RBFOX3: variants seen among roughly 807,000 people sequenced by gnomAD.
The protein encoded by RBFOX3 is RNA binding protein fox-1 homolog 3.
A neutral mutation model predicts 48.7 loss-of-function variants in RBFOX3; 17 were observed. The ratio of observed to expected loss-of-function variants is 0.35; its 90% CI spans 0.24 to 0.52. RBFOX3 has a LOEUF of 0.52. RBFOX3 is among the 20% of genes least tolerant of loss of function. RBFOX3 has a pLI of 0.94. For synonymous variants in RBFOX3, 212 were observed against 209.5 expected, an observed-to-expected ratio of 1.01 and a Z score of -0.10; for missense variants, 382 against 497.5, an observed-to-expected ratio of 0.77 and a Z score of 2.21.
chr17:79,654,219 C>A, the RBFOX3 span, among the ~76,000 whole-genome samples: 1 of 152,082 alleles, frequency 6.6e-6, no homozygotes, highest in Admixed American at 6.6e-5. Context: ...CTGTGTTTAC[C>A]CCAAGATGGG....
the RBFOX3 span, among the ~76,000 whole-genome samples, chr17:79,664,347 G>A: frequency 7.4e-6 from 1 of 134,918 alleles, no homozygotes; most frequent in Non-Finnish European, 1.6e-5. Flanking sequence ...GCTAATTTTT[G>A]TATTTTTTTT....
At chr17:79,365,233 G>T (rs2057564887) in intron 2 of RBFOX3, among the ~76,000 whole-genome samples, 1 of 152,054 alleles carries the variant, frequency 6.6e-6, no homozygotes, top group Admixed American at 6.6e-5. Context: ...ACTTTGGCTT[G>T]TTCCAGTTTC....
At chr17:79,244,673 C>T (rs2062874033) in intron 3 of RBFOX3, among the ~76,000 whole-genome samples, 1 of 152,090 alleles carries the variant, frequency 6.6e-6, no homozygotes, top group African/African-American at 2.4e-5. Context: ...CACACAAACA[C>T]TGTCACAGGT....
chr17:79,449,297 G>A (rs1464290015), intron 2 of RBFOX3, among the ~76,000 whole-genome samples: 2 of 151,962 alleles, frequency 1.3e-5, no homozygotes, highest in African/African-American at 4.8e-5. Context: ...TGCTTCCTGT[G>A]CTAACCCCCG....
chr17:79,385,085 C>A (rs1406782608), intron 2 of RBFOX3, among the ~76,000 whole-genome samples: 1 of 152,226 alleles, frequency 6.6e-6, no homozygotes, highest in Non-Finnish European at 1.5e-5. Flanking sequence ...CCCCTCGGGT[C>A]CCAGGAATGC....
chr17:79,154,186 G>T (rs571551164), intron 4 of RBFOX3, among the ~76,000 whole-genome samples: 1 of 142,016 alleles, frequency 7.0e-6, no homozygotes, highest in Non-Finnish European at 1.5e-5. Context: ...TCAGTTCTTC[G>T]AACACGCTAA....
In RBFOX3 at chr17:79,212,542, T is replaced by C. The variant is rs918247338; in HGVS notation, c.-34+23224A>G. ...GACTCCTTATTCTGCACTTCCTTCC[T>C]TGTTCTTCATAAAGAGTAGATTTCA... is the stretch of plus-strand genomic sequence containing the variant. On this transcript the variant is annotated intron_variant, in intron 4 of 14. Transcript: ENST00000693108. This position sits in a 1 kb window ranked among gnomAD's most constrained non-coding sequence, Gnocchi z 4.7. 2.0e-5 allele frequency among the ~76,000 whole-genome samples: 3 copies of C among 152,200 alleles called. No homozygotes were observed. Among genetic ancestry groups the C allele is most frequent in the Non-Finnish European group, 2.9e-5 (2 of 68,030 alleles).
Position 79,172,543 on chromosome 17 carries a change from G to A in RBFOX3, c.-33-56795C>T, listed in dbSNP as rs145579963. Among the ~76,000 whole-genome samples, 255 of 152,314 alleles carry A rather than the reference G, an allele frequency of 1.7e-3. 2 individuals are homozygous for A. The highest frequency in any genetic ancestry group is 5.8e-3 in the African/African-American group (240 of 41,570). ...ACTCCCTGGGCCTCCATCTGATGGC[G>A]ATTCCAAGGGAGGCGGCTTGGGGAG... On this transcript the variant is annotated intron_variant, in intron 4 of 14. Transcript: ENST00000693108.
At chr17:79,331,573 G>A (rs2080304948) in intron 2 of RBFOX3, among the ~76,000 whole-genome samples, 1 of 152,166 alleles carries the variant, frequency 6.6e-6, no homozygotes, top group Non-Finnish European at 1.5e-5. Context: ...GTTGTTATTA[G>A]ACGTTTTCAC....
chr17:79,325,917 C>G (rs1447657483), intron 2 of RBFOX3, among the ~76,000 whole-genome samples: 1 of 152,194 alleles, frequency 6.6e-6, no homozygotes, highest in Admixed American at 6.5e-5. Flanking sequence ...GTGCTGAACT[C>G]CGGCATGATG....
chr17:79,438,736 C>T (rs7406215), intron 2 of RBFOX3, among the ~76,000 whole-genome samples: 23,027 of 152,226 alleles, frequency 0.15, 2,399 homozygotes, highest in East Asian at 0.47. Context: ...CGAGGGCACT[C>T]ACCTGCTTTG....
At chr17:79,381,385 T>C (rs2059901094) in intron 2 of RBFOX3, among the ~76,000 whole-genome samples, 1 of 152,196 alleles carries the variant, frequency 6.6e-6, no homozygotes, top group Non-Finnish European at 1.5e-5. Flanking sequence ...TGAGATGGTG[T>C]ACATGTTTTT....
In RBFOX3 at chr17:79,134,709, T is replaced by G. The variant is rs978762897; in HGVS notation, c.-33-18961A>C. On this transcript the variant is annotated intron_variant, in intron 4 of 14. Coordinates refer to ENST00000693108, the MANE Select transcript of RBFOX3 (RefSeq NM_001350451.2). ...CACCCTGACCGTGTCAGAGACACCA[T>G]GCAGGGGCACAGTTCCCCCTGGGGG... is the stretch of plus-strand genomic sequence containing the variant. Among the ~76,000 whole-genome samples the G allele has an allele frequency of 4.6e-5, 7 of 152,186 alleles. No homozygotes were observed. The South Asian group carries it at 1.0e-3, about 22-fold the overall frequency.
intron 4 of RBFOX3, chr17:79,135,086 G>A (rs901067151): frequency 4.6e-5 from 7 of 152,306 alleles, no homozygotes; most frequent in African/African-American, 1.4e-4. Flanking sequence ...GCGGTCACGA[G>A]GTGAGGGGCA....
Position 79,390,213 on chromosome 17 carries a change from T to A in RBFOX3, c.-174-82389A>T, listed in dbSNP as rs1424050347. ...CAACCTCCGGGACGCTGCACTGACT[T>A]TCAAGTGCCCAGAGGTCCTCCTAGA... On this transcript the variant is annotated intron_variant, in intron 2 of 14. Coordinates refer to ENST00000693108, the MANE Select transcript of RBFOX3 (RefSeq NM_001350451.2). This position sits in a 1 kb window ranked among gnomAD's most constrained non-coding sequence, Gnocchi z 4.2. Among the ~76,000 whole-genome samples the A allele has an allele frequency of 6.6e-6, 1 of 152,198 alleles. No homozygotes were observed. The highest frequency in any genetic ancestry group is 1.5e-5 in the Non-Finnish European group (1 of 68,034).
chr17:79,488,927 AG>A (rs1205786256), intron 1 of RBFOX3, among the ~76,000 whole-genome samples: 2 of 152,252 alleles, frequency 1.3e-5, no homozygotes, highest in Non-Finnish European at 2.9e-5. Context: ...GACATAGCAT[AG>A]GGGACTCTGA....
intron 2 of RBFOX3, among the ~76,000 whole-genome samples, chr17:79,416,508 G>A (rs781918795): frequency 4.6e-5 from 7 of 152,262 alleles, no homozygotes; most frequent in South Asian, 2.1e-4. Flanking sequence ...AGACAGCGAC[G>A]TGGCCCAGCA....
intron 4 of RBFOX3, among the ~76,000 whole-genome samples, chr17:79,136,590 G>A (rs956729357): frequency 1.3e-5 from 2 of 152,178 alleles, no homozygotes; most frequent in African/African-American, 4.8e-5. Context: ...TGGGGCCCCT[G>A]GGTCTCTCGC....
At chr17:79,381,663 T>C (rs1272018765) in intron 2 of RBFOX3, among the ~76,000 whole-genome samples, 2 of 152,146 alleles carry the variant, frequency 1.3e-5, no homozygotes, top group Non-Finnish European at 2.9e-5. Context: ...CTTCGATCTG[T>C]TATTGAGGTA....
Sources: allele counts gnomAD v4.1 joint callset (sites outside exome capture counted in the v4.1 genomes callset), GRCh38; gene constraint gnomAD v4.1.1; non-coding constraint Gnocchi (gnomAD v3.1); transcripts MANE v1.5; gene names NCBI Gene and HGNC (gene_info 2026-07-23, HGNC 2026-07-21).